The following IDS variants were observed in gnomAD, a reference collection of about 807,000 sequenced individuals.
The protein encoded by IDS is iduronate 2-sulfatase.
IDS carries 1 observed loss-of-function variant against 33.5 expected under a neutral mutation model. The ratio of observed to expected loss-of-function variants is 0.03; its 90% CI spans 0.01 to 0.14. IDS has a LOEUF of 0.14. IDS is among the 10% of genes least tolerant of loss of function. IDS has a pLI of 1.00. For synonymous variants in IDS, 191 were observed against 184.4 expected (o/e 1.04, Z -0.29); for missense variants, 328 against 448.0 (o/e 0.73, Z 2.42).
intron 2 of IDS, 29 bp from the exon 3 acceptor site, chrX:149,503,518 A>G (rs1181929708): frequency 2.9e-6 from 3 of 1,032,135 alleles, no homozygotes; most frequent in Non-Finnish European, 4.0e-6. Context: ...AGAGGTAAGC[A>G]TCGCCACAGC....
intron 8 of IDS, among the ~76,000 whole-genome samples, chrX:149,486,530 C>T (rs2089336856): frequency 9.0e-6 from 1 of 111,658 alleles, no homozygotes; most frequent in Non-Finnish European, 1.9e-5. Flanking sequence ...AAGGCTGAGT[C>T]CCTACCAAAA....
rs1462313679 is a variant in IDS, at chrX:149,478,216, C to T, written c.*4530G>A. 1 of 112,021 alleles carries T rather than the reference C, an allele frequency of 8.9e-6. No individual in the cohort carries two copies. Among genetic ancestry groups the T allele is most frequent in the Non-Finnish European group, 1.9e-5 (1 of 53,194 alleles). 9.2% of individuals were successfully genotyped at this position (112,021 alleles called of 1,213,427 possible). ...CCAGAGTCACTTGGTTACCTCCCAG[C>T]ACAAACCCCAACATCTTAAGTGATT... On this transcript the variant is annotated 3_prime_UTR_variant, in exon 9 of 9. Transcript: ENST00000340855.
At chrX:149,489,353 T>A (rs1416655880) in intron 7 of IDS, among the ~76,000 whole-genome samples, 1 of 112,323 alleles carries the variant, frequency 8.9e-6, no homozygotes, top group African/African-American at 3.2e-5. Flanking sequence ...ACATACATGT[T>A]ACAAACATAC....
intron 3 of IDS, 146 bp downstream of exon 3, chrX:149,503,166 A>C (rs1734484): frequency 2.0e-5 from 23 of 1,164,223 alleles, no homozygotes; most frequent in Admixed American, 2.6e-5. Context: ...TTGACAAGTC[A>C]GTTTTTTAGA....
At position 149,498,218 on chromosome X, in the gene IDS, T is replaced by C. The variant is rs1038221034; in HGVS notation, c.597A>G (p.Lys199=). Residue 199 remains lysine, a synonymous_variant, in exon 5 of 9, where the codon AAA becomes AAG. Coordinates refer to ENST00000340855, the MANE Select transcript of IDS (RefSeq NM_000202.8). ...ACTGTATGGCTTGCTCAGTGCTCTG[T>C]TTGTCAGGCAAGGTGCCCTCGGGAA... is the stretch of plus-strand genomic sequence containing the variant. ...LDVPEGTLPD[K]QSTEQAIQLL... 1.7e-6 allele frequency: 2 copies of C among 1,210,374 alleles called. No individual in the cohort carries two copies. The highest frequency in any genetic ancestry group is 1.7e-5 in the African/African-American group (1 of 57,307).
At chrX:149,495,472 T>C (rs1262771489) in intron 6 of IDS, 2 of 109,934 alleles carry the variant, frequency 1.8e-5, no homozygotes, top group African/African-American at 6.7e-5. Flanking sequence ...GTGTGCTTTT[T>C]TTTTTTTTTT....
intron 4 of IDS, chrX:149,499,464 T>C (rs1343892768): frequency 9.0e-6 from 1 of 110,998 alleles, no homozygotes; most frequent in Non-Finnish European, 1.9e-5. Flanking sequence ...GGCTACATAG[T>C]GTATGACTCT....
chrX:149,484,426 A>G (rs1475986648), intron 8 of IDS, among the ~76,000 whole-genome samples: 3 of 112,091 alleles, frequency 2.7e-5, no homozygotes, highest in Non-Finnish European at 3.8e-5. Flanking sequence ...GGTTCAAGTG[A>G]TTCTCCTGCC....
Position 149,490,368 on chromosome X carries a change from A to C in IDS, c.952T>G (p.Leu318Val), listed in dbSNP as rs2089379379. Residue 318 changes from leucine to valine, a missense_variant, in exon 7 of 9, where the codon TTG (leucine) becomes GTG (valine). By Grantham distance (32) the Leu-to-Val change is conservative. Coordinates refer to ENST00000340855, the MANE Select transcript of IDS (RefSeq NM_000202.8). Reference sequence around the variant, plus strand: ...CTGTTGGCCAGCTGAAGATCGTCCAAAGCACTCAAGAGGCGGCCGACCTGT... The same window carrying C: ...CTGTTGGCCAGCTGAAGATCGTCCACAGCACTCAAGAGGCGGCCGACCTGT... ...DTQVGRLLSA[L>V]DDLQLANSTI... 8.3e-7 allele frequency: 1 copy of C among 1,208,488 alleles called. No homozygotes were observed. The highest frequency in any genetic ancestry group is 1.1e-6 in the Non-Finnish European group (1 of 893,641).
At chrX:149,504,483 G>A (rs1204211963) in intron 1 of IDS, among the ~76,000 whole-genome samples, 190 bp from the exon 2 acceptor site, 1 of 111,834 alleles carries the variant, frequency 8.9e-6, no homozygotes, top group African/African-American at 3.3e-5. Flanking sequence ...TGGGTGGCAG[G>A]GTTAGGCTTT....
chrX:149,486,896 A>T, intron 8 of IDS, 29 bp downstream of exon 8: 1 of 1,193,128 alleles, frequency 8.4e-7, no homozygotes, highest in Non-Finnish European at 1.1e-6. Flanking sequence ...TCTTACTGTC[A>T]AGCAATATCA....
In IDS at chrX:149,480,925, G is replaced by C. The variant is rs2089292997; in HGVS notation, c.*1821C>G. The C allele has an allele frequency of 8.9e-6, 1 of 112,172 alleles. No homozygotes were observed. Among genetic ancestry groups the C allele is most frequent in the Admixed American group, 9.5e-5 (1 of 10,546 alleles). 9.2% of individuals were successfully genotyped at this position (112,172 alleles called of 1,213,427 possible). The stretch of plus-strand genomic sequence containing the variant: ...CACATGAAAGAACCCCTGCTCATGT[G>C]AAAGAGAGATTTCTACAAATAAAGT... On this transcript the variant is annotated 3_prime_UTR_variant, in exon 9 of 9. Transcript: ENST00000340855.
At position 149,479,982 on chromosome X, in the gene IDS, G is replaced by T. The variant is rs894922823; in HGVS notation, c.*2764C>A. ...ACAAAAACCTCAGCCTCCTTCGGGA[G>T]GGGGGGAGCTTGGTAGTGAAAAATG... On this transcript the variant is annotated 3_prime_UTR_variant, in exon 9 of 9. Coordinates refer to ENST00000340855, the MANE Select transcript of IDS (RefSeq NM_000202.8). 7.7e-6 allele frequency: 2 copies of T among 260,093 alleles called. No individual in the cohort carries two copies. The highest frequency in any genetic ancestry group is 6.6e-5 in the Admixed American group (1 of 15,171). The allele number at this position is 260,093 out of a possible 1,213,427, so 21.4% of individuals were successfully genotyped here.
rs782275146 is a variant in IDS, at chrX:149,484,530, C to T, written c.1181-1312G>A. ...AGAGATGGGGTTTCTCCTTGTTGGC[C>T]AGGATGGTCTTGATCTCCTGACCTC... On this transcript the variant is annotated intron_variant, in intron 8 of 8. Transcript: ENST00000340855. Among the ~76,000 whole-genome samples the T allele has an allele frequency of 3.6e-3, 407 of 112,583 alleles. 2 individuals are homozygous for T. Among genetic ancestry groups the T allele is most frequent in the Non-Finnish European group, 5.9e-3 (315 of 53,283 alleles).
chrX:149,501,597 C>G (rs1410084122), intron 3 of IDS, among the ~76,000 whole-genome samples: 3 of 111,677 alleles, frequency 2.7e-5, no homozygotes, highest in Non-Finnish European at 5.6e-5. Flanking sequence ...TCAAAAGCAT[C>G]GAAGTGCCAA....
In IDS at chrX:149,480,636, C is replaced by A; in HGVS notation, c.*2110G>T. ...CTGGGATTACAGGCATGCACCACCA[C>A]ACCCGGCTAACTTTTGTATTTTTAG... On this transcript the variant is annotated 3_prime_UTR_variant, in exon 9 of 9. Coordinates refer to ENST00000340855, the MANE Select transcript of IDS (RefSeq NM_000202.8). 3.8e-6 allele frequency: 1 copy of A among 260,494 alleles called. No individual in the cohort carries two copies. 21.5% of individuals were successfully genotyped at this position (260,494 alleles called of 1,213,427 possible).
At position 149,490,460 on chromosome X, in the gene IDS, A is replaced by T. The variant is rs782517021; in HGVS notation, c.880-20T>A. 1 of 1,206,902 alleles carries T rather than the reference A, an allele frequency of 8.3e-7. No homozygotes were observed. Among genetic ancestry groups the T allele is most frequent in the African/African-American group, 1.8e-5 (1 of 57,054 alleles). On this transcript the variant is annotated intron_variant, in intron 6 of 8. Coordinates refer to ENST00000340855, the MANE Select transcript of IDS (RefSeq NM_000202.8). ...TTTCCGCTGCAAATTGAAAAAAAAT[A>T]AAAATGAGAGTGACTGCAATTTAAA...
In IDS at chrX:149,490,296, G is replaced by C; in HGVS notation, c.1006+18C>G. The stretch of plus-strand genomic sequence containing the variant: ...AGTTCAGATGTTTTGACTCACCAGG[G>C]AATTTCAAAATGCTTACCATGATCC... On this transcript the variant is annotated intron_variant, in intron 7 of 8. Coordinates refer to ENST00000340855, the MANE Select transcript of IDS (RefSeq NM_000202.8). 8.3e-7 allele frequency: 1 copy of C among 1,208,214 alleles called. No individual in the cohort carries two copies. Among genetic ancestry groups the C allele is most frequent in the Non-Finnish European group, 1.1e-6 (1 of 892,560 alleles).
intron 1 of IDS, 81 bp downstream of exon 1, chrX:149,504,950 TAAAC>T (rs2089512574): frequency 2.9e-6 from 2 of 700,669 alleles, no homozygotes; most frequent in Admixed American, 2.5e-5. Context: ...AGAATGGATA[TAAAC>T]AAAGAAGGAA....
Sources: allele counts gnomAD v4.1 joint callset (sites outside exome capture counted in the v4.1 genomes callset), GRCh38; gene constraint gnomAD v4.1.1; transcripts MANE v1.5; gene names NCBI Gene and HGNC (gene_info 2026-07-23, HGNC 2026-07-21).